The following ZNF485 variants were observed in gnomAD, a reference collection of about 807,000 sequenced individuals.
ZNF485 encodes zinc finger protein 485, also known as Zinc finger protein 93 (Zinc finger protein HTF34).
In ZNF485, 9 loss-of-function variants were observed where a neutral mutation model predicts 10.8. That is an observed-to-expected ratio of 0.83 (90% CI 0.50 to 1.45). The LOEUF (loss-of-function observed/expected upper bound fraction) is 1.45, where lower values mean the gene tolerates loss of function less well. ZNF485 is among the 40% of genes most tolerant of loss of function. The probability of loss-of-function intolerance (pLI) is 0.00; values close to 1 mark genes in which losing one functional copy is unlikely to be tolerated. For synonymous variants in ZNF485, 187 were observed against 181.0 expected (o/e 1.03, Z -0.27); for missense variants, 487 against 528.0 (o/e 0.92, Z 0.76).
rs17154012 is a variant in ZNF485, at chr10:43,609,446, A to G, written c.247+96A>G. The G allele has an allele frequency of 0.063, 57,405 of 914,752 alleles. 2,327 individuals carry two copies. Among genetic ancestry groups the G allele is most frequent in the African/African-American group, 0.16 (9,779 of 60,068 alleles). The allele number at this position is 914,752 out of a possible 1,614,324, so 56.7% of individuals were successfully genotyped here. A position where few individuals can be genotyped will look rare whatever the true frequency, so the allele number is the denominator to read the frequency against. ...TCATCTTTGAGTGCCCTGTTGGTGC[A>G]GAAAGGCACTGGTTTCCTCTTTTGA... On this transcript the variant is annotated intron_variant, in intron 4 of 4. Coordinates refer to ENST00000361807, the MANE Select transcript of ZNF485 (RefSeq NM_145312.4).
intron 1 of ZNF485, 129 bp from the exon 2 acceptor site, chr10:43,606,868 A>C (rs1382537987): frequency 3.1e-6 from 2 of 651,788 alleles, no homozygotes; most frequent in Non-Finnish European, 5.3e-6. Context: ...TTTCTTCCCG[A>C]GCGTACCCAC....
At chr10:43,608,536 T>C (rs1020103076) in intron 2 of ZNF485, 78 bp from the exon 3 acceptor site, 2 of 1,526,186 alleles carry the variant, frequency 1.3e-6, no homozygotes, top group East Asian at 4.9e-5. Flanking sequence ...GAAGCTGGCT[T>C]TGACCACCTT....
At chr10:43,610,372 C>A (rs9422394) in intron 4 of ZNF485, among the ~76,000 whole-genome samples, 166 of 152,294 alleles carry the variant, frequency 1.1e-3, no homozygotes, top group African/African-American at 3.8e-3. Context: ...CTATCCTCTT[C>A]AGGAGAATGT....
chr10:43,608,866 T>G, intron 3 of ZNF485, 126 bp downstream of exon 3: 1 of 1,333,930 alleles, frequency 7.5e-7, no homozygotes, highest in South Asian at 1.5e-5. Context: ...TTTTCTTAAG[T>G]ATGGGCTTAG....
chr10:43,617,367 T>C lies in ZNF485; in HGVS notation c.1324T>C (p.Ter442GlnextTer12), dbSNP rs768133543. 1 of 1,540,886 alleles carries C rather than the reference T, an allele frequency of 6.5e-7. No individual in the cohort carries two copies. ...TAAAGAAAGAGCCATGAAATGTAGT[T>C]AGTGTGGCAAATTGTGCAGAGTAGT... The part of the protein sequence containing the change: ...HNKERAMKCS[*>Q] Residue 442 changes from the stop codon to glutamine, a stop_lost, in exon 5 of 5, where the codon TAG (stop) becomes CAG (glutamine). Coordinates refer to ENST00000361807, the MANE Select transcript of ZNF485 (RefSeq NM_145312.4).
In ZNF485 at chr10:43,617,343, A is replaced by T. The variant is rs773426116; in HGVS notation, c.1300A>T (p.Lys434Ter). 2.6e-6 allele frequency: 4 copies of T among 1,561,294 alleles called. No homozygotes were observed. The African/African-American group carries it at 5.5e-5, about 22-fold the overall frequency. ...ALKQHKKIHN[K>*]ERAMKCS ...TAAGCAACATAAGAAAATTCATAAT[A>T]AAGAAAGAGCCATGAAATGTAGTTA... Residue 434 changes from lysine (K) to a stop codon, truncating the protein, a stop_gained, in exon 5 of 5, where the codon AAA becomes TAA. Transcript: ENST00000361807. LOFTEE classifies it low-confidence loss of function (END_TRUNC).
intron 4 of ZNF485, among the ~76,000 whole-genome samples, chr10:43,614,721 T>A (rs1188344306): frequency 1.3e-5 from 2 of 152,188 alleles, no homozygotes; most frequent in African/African-American, 4.8e-5. Flanking sequence ...TTTGTGATTT[T>A]AATATTTTTT....
At chr10:43,607,198 GTCCCGCGATT>G (rs1315105546) in intron 2 of ZNF485, 124 bp downstream of exon 2, 2 of 1,160,258 alleles carry the variant, frequency 1.7e-6, no homozygotes, top group Non-Finnish European at 2.5e-6. Context: ...TCCTGGATGG[GTCCCGCGATT>G]TCCGTCCTGT....
intron 4 of ZNF485, among the ~76,000 whole-genome samples, chr10:43,613,323 T>G (rs901631756): frequency 2.6e-5 from 4 of 152,266 alleles, no homozygotes; most frequent in Non-Finnish European, 5.9e-5. Flanking sequence ...TTTAACTTCA[T>G]GTGAATGGTA....
chr10:43,612,518 T>C (rs527293633), intron 4 of ZNF485, among the ~76,000 whole-genome samples: 1 of 152,298 alleles, frequency 6.6e-6, no homozygotes, highest in African/African-American at 2.4e-5. Context: ...TTGGGGGTAC[T>C]TTTTTTGACA....
rs751405678 is a variant in ZNF485 at position 43,609,210 on chromosome 10, TC to T, written c.152-44del. 7 of 1,460,038 alleles carry T rather than the reference TC, an allele frequency of 4.8e-6. No homozygotes were observed. The African/African-American group carries it at 8.4e-5, about 18-fold the overall frequency. The allele number at this position is 1,460,038 out of a possible 1,614,324, so 90.4% of individuals were successfully genotyped here. On this transcript the variant is annotated intron_variant, in intron 3 of 4. Transcript: ENST00000361807. ...TAACCGCCATCACATTCCTTTTCATTCATTTTTTTTTTCTTCCTCTAAGATC... is the reference window on the plus strand; with the variant it reads ...TAACCGCCATCACATTCCTTTTCATTATTTTTTTTTTCTTCCTCTAAGATC...
chr10:43,608,278 C>T (rs989526340), intron 2 of ZNF485, among the ~76,000 whole-genome samples: 6 of 152,198 alleles, frequency 3.9e-5, no homozygotes, highest in Admixed American at 6.5e-5. Context: ...CAAACCTCTC[C>T]TGCCAGGTGG....
Position 43,617,350 on chromosome 10 carries a change from G to A in ZNF485, c.1307G>A (p.Arg436Lys). 6.4e-7 allele frequency: 1 copy of A among 1,556,866 alleles called. No homozygotes were observed. Among genetic ancestry groups the A allele is most frequent in the Non-Finnish European group, 8.6e-7 (1 of 1,156,542 alleles). The change falls in exon 5 of 5, where the codon AGA (arginine) becomes AAA (lysine). Residue 436 changes from arginine to lysine, a missense_variant. Coordinates refer to ENST00000361807, the MANE Select transcript of ZNF485 (RefSeq NM_145312.4). ...KQHKKIHNKE[R>K]AMKCS The stretch of plus-strand genomic sequence containing the variant: ...CATAAGAAAATTCATAATAAAGAAA[G>A]AGCCATGAAATGTAGTTAGTGTGGC...
chr10:43,610,623 G>C (rs1838751166), intron 4 of ZNF485, among the ~76,000 whole-genome samples: 1 of 152,122 alleles, frequency 6.6e-6, no homozygotes, highest in Admixed American at 6.5e-5. Flanking sequence ...TTAAAACTTG[G>C]ATGTAATGAA....
At chr10:43,609,595 A>C (rs978518462) in intron 4 of ZNF485, among the ~76,000 whole-genome samples, 3 of 152,084 alleles carry the variant, frequency 2.0e-5, no homozygotes, top group African/African-American at 7.2e-5. Flanking sequence ...GAAATCCTCA[A>C]GCTCTTTATG....
At position 43,606,452 on chromosome 10, in the gene ZNF485, G is replaced by C. The variant is rs1045866242; in HGVS notation, c.-149G>C. The C allele has an allele frequency of 7.2e-6, 3 of 417,320 alleles. No homozygotes were observed. Among genetic ancestry groups the C allele is most frequent in the Non-Finnish European group, 1.3e-5 (3 of 223,608 alleles). 25.9% of individuals were successfully genotyped at this position (417,320 alleles called of 1,614,324 possible). A position where few individuals can be genotyped will look rare whatever the true frequency, so the allele number is the denominator to read the frequency against. On this transcript the variant is annotated 5_prime_UTR_variant, in exon 1 of 5. Transcript: ENST00000361807. The stretch of plus-strand genomic sequence containing the variant: ...CCTGTCTCCGCGTGGTGCGAGCGCT[G>C]CACCAGCCCCTGGCTGGTGGTTACT...
chr10:43,606,592 C>G (rs1450147581), intron 1 of ZNF485, 46 bp downstream of exon 1: 1 of 288,098 alleles, frequency 3.5e-6, no homozygotes, highest in Admixed American at 4.9e-5. Context: ...AGCCTCGAGC[C>G]CCTGGCGGGT....
At chr10:43,614,282 T>C (rs1274835958) in intron 4 of ZNF485, among the ~76,000 whole-genome samples, 1 of 152,194 alleles carries the variant, frequency 6.6e-6, no homozygotes. Flanking sequence ...GGGTAACTAT[T>C]TGAAGAGCCT....
At chr10:43,613,741 A>C (rs975953809) in intron 4 of ZNF485, among the ~76,000 whole-genome samples, 1 of 152,206 alleles carries the variant, frequency 6.6e-6, no homozygotes, top group African/African-American at 2.4e-5. Flanking sequence ...ATAATGTCAG[A>C]TAATCTTCCA....
Sources: allele counts gnomAD v4.1 joint callset (sites outside exome capture counted in the v4.1 genomes callset), GRCh38; gene constraint gnomAD v4.1.1; transcripts MANE v1.5; gene names NCBI Gene and HGNC (gene_info 2026-07-23, HGNC 2026-07-21).